CTNNA3: variants seen among roughly 807,000 people sequenced by gnomAD.
CTNNA3 encodes catenin alpha-3.
Under a neutral mutation model 95.7 loss-of-function variants are expected in CTNNA3, and 76 were observed. The observed-to-expected ratio is 0.79, with a 90% CI of 0.66 to 0.96. The LOEUF (loss-of-function observed/expected upper bound fraction) is 0.96. CTNNA3 is among the 40% of genes least tolerant of loss of function. The probability of loss-of-function intolerance (pLI) is 0.00; values close to 1 mark genes in which losing one functional copy is unlikely to be tolerated. For missense variants in CTNNA3, 1,191 were observed against 1,089.8 expected, an observed-to-expected ratio of 1.09 and a Z score of -1.31; for synonymous variants, 431 against 374.4, an observed-to-expected ratio of 1.15 and a Z score of -1.74.
At chr10:66,531,215 A>G (rs888691850) in intron 10 of CTNNA3, among the ~76,000 whole-genome samples, 3 of 152,200 alleles carry the variant, frequency 2.0e-5, no homozygotes, top group Non-Finnish European at 4.4e-5. Flanking sequence ...GTAGACTAAT[A>G]AAAATAGAAT....
chr10:67,466,450 A>T (rs895841916), intron 5 of CTNNA3, among the ~76,000 whole-genome samples: 5 of 152,186 alleles, frequency 3.3e-5, no homozygotes, highest in African/African-American at 4.8e-5. Context: ...ACGTAATTAT[A>T]ATTGTTCTAC....
intron 13 of CTNNA3, among the ~76,000 whole-genome samples, chr10:66,129,567 C>T (rs1271303965): frequency 7.2e-5 from 11 of 152,134 alleles, no homozygotes; most frequent in Admixed American, 4.6e-4. Flanking sequence ...CTCTGCAGGG[C>T]GGTCTTGCCT....
At chr10:67,577,218 G>A (rs1334556777) in intron 3 of CTNNA3, among the ~76,000 whole-genome samples, 1 of 151,806 alleles carries the variant, frequency 6.6e-6, no homozygotes, top group Non-Finnish European at 1.5e-5. Flanking sequence ...AGCACCTGTT[G>A]TTTCCTGACT....
chr10:67,099,730 G>A (rs1481625744), intron 7 of CTNNA3: 1 of 152,066 alleles, frequency 6.6e-6, no homozygotes, highest in East Asian at 1.9e-4. Context: ...CAACTATTTA[G>A]CATCCCAGAT....
intron 5 of CTNNA3, among the ~76,000 whole-genome samples, chr10:67,504,447 A>C (rs1159845894): frequency 1.3e-5 from 2 of 149,918 alleles, no homozygotes; most frequent in Admixed American, 6.6e-5. Context: ...AAAAAAAAAA[A>C]AAAAAAAAAA....
intron 5 of CTNNA3, among the ~76,000 whole-genome samples, chr10:67,304,593 G>C (rs1292951121): frequency 1.3e-5 from 2 of 151,706 alleles, no homozygotes; most frequent in Non-Finnish European, 2.9e-5. Context: ...AACTATTTTT[G>C]GTTTTTTTTC....
At chr10:66,244,145 C>G (rs2090214083) in intron 13 of CTNNA3, among the ~76,000 whole-genome samples, 1 of 152,178 alleles carries the variant, frequency 6.6e-6, no homozygotes, top group Non-Finnish European at 1.5e-5. Flanking sequence ...GGTGATGGAC[C>G]TGGGGAGAGG....
chr10:66,128,533 A>G (rs1303955863), intron 13 of CTNNA3, among the ~76,000 whole-genome samples: 1 of 152,204 alleles, frequency 6.6e-6, no homozygotes, highest in African/African-American at 2.4e-5. Flanking sequence ...TACCAAGTGA[A>G]AAAAAAAGCC....
intron 11 of CTNNA3, among the ~76,000 whole-genome samples, chr10:66,492,450 A>G (rs76854316): frequency 6.9e-6 from 1 of 144,124 alleles, no homozygotes; most frequent in Non-Finnish European, 1.5e-5. Flanking sequence ...GGCCCAGCTA[A>G]TTTTTTTTTT....
intron 5 of CTNNA3, among the ~76,000 whole-genome samples, chr10:67,301,878 A>G (rs1259689854): frequency 6.6e-6 from 1 of 151,986 alleles, no homozygotes; most frequent in Non-Finnish European, 1.5e-5. Context: ...CTGAGGCAGG[A>G]GAATGGCGTG....
intron 10 of CTNNA3, among the ~76,000 whole-genome samples, chr10:66,574,995 C>A (rs1842966245): frequency 6.6e-6 from 1 of 152,108 alleles, no homozygotes; most frequent in South Asian, 2.1e-4. Context: ...GGTTACATAA[C>A]AAATAACACA....
intron 5 of CTNNA3, among the ~76,000 whole-genome samples, chr10:67,255,321 T>C (rs1866302235): frequency 3.3e-5 from 5 of 151,060 alleles, no homozygotes. Flanking sequence ...AATAAATAAA[T>C]TAATTAATTA....
intron 13 of CTNNA3, among the ~76,000 whole-genome samples, chr10:66,249,014 C>T (rs957199182): frequency 2.0e-5 from 3 of 152,122 alleles, no homozygotes; most frequent in Admixed American, 2.0e-4. Context: ...ATAGTGAACT[C>T]ATTTTCAAGA....
intron 11 of CTNNA3, among the ~76,000 whole-genome samples, chr10:66,398,642 G>T (rs1380650846): frequency 6.6e-6 from 1 of 151,680 alleles, no homozygotes; most frequent in African/African-American, 2.4e-5. Flanking sequence ...GTATGGAAAA[G>T]ATAGATAAAA....
intron 5 of CTNNA3, among the ~76,000 whole-genome samples, chr10:67,505,167 G>A (rs1223115660): frequency 6.6e-6 from 1 of 152,158 alleles, no homozygotes; most frequent in Non-Finnish European, 1.5e-5. Flanking sequence ...AAATGCCTTT[G>A]TCCTACAAAC....
intron 5 of CTNNA3, among the ~76,000 whole-genome samples, chr10:67,220,349 T>C (rs1372005097): frequency 1.3e-5 from 2 of 152,300 alleles, no homozygotes; most frequent in East Asian, 1.9e-4. Flanking sequence ...GAAATACTAA[T>C]AAATTAATCC....
At chr10:66,429,383 A>T (rs2093274469) in intron 11 of CTNNA3, among the ~76,000 whole-genome samples, 1 of 151,962 alleles carries the variant, frequency 6.6e-6, no homozygotes. Context: ...AAAAGAGGGA[A>T]TCCTCCCTAA....
intron 9 of CTNNA3, among the ~76,000 whole-genome samples, chr10:66,759,279 C>T (rs768016155): frequency 1.3e-5 from 2 of 152,156 alleles, no homozygotes; most frequent in African/African-American, 2.4e-5. Context: ...TTAATGTGTT[C>T]GTATTCATTG....
chr10:66,304,045 G>A (rs1052854456), intron 12 of CTNNA3, among the ~76,000 whole-genome samples: 6 of 151,958 alleles, frequency 3.9e-5, no homozygotes, highest in Non-Finnish European at 5.9e-5. Context: ...ACAACCCATA[G>A]TATCCAGAAA....
Sources: gnomAD v4.1 joint callset for allele counts (sites outside exome capture counted in the v4.1 genomes callset) on GRCh38, gnomAD v4.1.1 for gene constraint, MANE v1.5 for transcripts, NCBI Gene and HGNC (gene_info 2026-07-23, HGNC 2026-07-21) for gene names.